Variants in MYOM1 observed in about 807,000 individuals in gnomAD.
The protein encoded by MYOM1 is myomesin 1.
A neutral mutation model predicts 205.3 loss-of-function variants in MYOM1; 164 were observed. The ratio of observed to expected loss-of-function variants is 0.80; its 90% confidence interval spans 0.70 to 0.91. The LOEUF (loss-of-function observed/expected upper bound fraction) is 0.91, where lower values mean the gene tolerates loss of function less well. MYOM1 is among the 40% of genes least tolerant of loss of function. The pLI, the probability that MYOM1 is intolerant of heterozygous loss-of-function variation, is 0.00. For synonymous variants in MYOM1, 772 were observed against 789.4 expected (o/e 0.98, Z 0.37); for missense variants, 2,011 against 2,127.3 (o/e 0.95, Z 1.08).
intron 4 of MYOM1, among the ~76,000 whole-genome samples, 153 bp downstream of exon 4, chr18:3,188,595 C>T (rs2080855706): frequency 6.6e-6 from 1 of 151,790 alleles, no homozygotes; most frequent in Admixed American, 6.6e-5. Flanking sequence ...CGCCACTGCA[C>T]TCCAACCTGG....
chr18:3,089,493 C>T lies in MYOM1; in HGVS notation c.4069+44G>A, dbSNP rs774475692. 6.2e-5 allele frequency: 92 copies of T among 1,481,602 alleles called. 1 individual carries two copies. Among genetic ancestry groups the T allele is most frequent in the Non-Finnish European group, 8.2e-5 (89 of 1,084,020 alleles). 91.8% of individuals were successfully genotyped at this position (1,481,602 alleles called of 1,614,324 possible). A position where few individuals can be genotyped will look rare whatever the true frequency, so the allele number is the denominator to read the frequency against. On this transcript the variant is annotated intron_variant, in intron 28 of 37. Transcript: ENST00000356443. ...GGAAATAACCTTGGAATCTTTTGTA[C>T]AAAAAAATTAAAAATTTTCTCTTTA...
At chr18:3,151,322 T>A (rs2080217466) in intron 12 of MYOM1, among the ~76,000 whole-genome samples, 1 of 151,820 alleles carries the variant, frequency 6.6e-6, no homozygotes, top group Admixed American at 6.6e-5. Context: ...TTTTTATTAT[T>A]TTTGGAATGT....
At chr18:3,090,857 G>GAATGA in intron 26 of MYOM1, 55 bp from the exon 27 acceptor site, 1 of 1,602,282 alleles carries the variant, frequency 6.2e-7, no homozygotes, top group East Asian at 2.2e-5. Flanking sequence ...ATTTTACTTG[G>GAATGA]AATGACAACA....
chr18:3,166,276 T>A (rs9944559), intron 9 of MYOM1, among the ~76,000 whole-genome samples: 1 of 142,512 alleles, frequency 7.0e-6, no homozygotes, highest in African/African-American at 2.5e-5. Flanking sequence ...TTTTTTTTTT[T>A]TTTTTTTTAT....
At chr18:3,237,847 CAA>C in the MYOM1 span, among the ~76,000 whole-genome samples, 2 of 152,004 alleles carry the variant, frequency 1.3e-5, no homozygotes, top group Non-Finnish European at 2.9e-5. Flanking sequence ...TTACAAGATG[CAA>C]AGAGTTATGG....
the MYOM1 span, among the ~76,000 whole-genome samples, chr18:3,227,400 G>A: frequency 3.3e-5 from 5 of 152,290 alleles, no homozygotes; most frequent in Admixed American, 2.6e-4. Context: ...CCACTTATAT[G>A]AGGTACCTAG....
At chr18:3,225,663 C>T in the MYOM1 span, among the ~76,000 whole-genome samples, 6 of 152,116 alleles carry the variant, frequency 3.9e-5, no homozygotes, top group Admixed American at 6.5e-5. Context: ...GAATGGGCAG[C>T]GTCTTAAATG....
At chr18:3,075,552 C>T (rs992510048) in intron 35 of MYOM1, 76 bp from the exon 36 acceptor site, 5 of 1,521,742 alleles carry the variant, frequency 3.3e-6, no homozygotes, top group Non-Finnish European at 1.8e-6. Flanking sequence ...AACTTGACGA[C>T]ATTTTCCTTG....
In MYOM1 at chr18:3,219,358, T is replaced by C. The variant is rs377377324; in HGVS notation, c.-29+445A>G. Among the ~76,000 whole-genome samples, 181 of 152,214 alleles carry C rather than the reference T, an allele frequency of 1.2e-3. No homozygotes were observed. The highest frequency in any genetic ancestry group is 4.2e-3 in the African/African-American group (176 of 41,536). On this transcript the variant is annotated intron_variant, in intron 1 of 37. Coordinates refer to ENST00000356443, the MANE Select transcript of MYOM1 (RefSeq NM_003803.4). The surrounding 1 kb of genome is among the most constrained non-coding windows in gnomAD (Gnocchi z 4.4). ...GCATCGTCACAGCAAGATCCCTGAA[T>C]TATAAACTAGTGACTTCAGAGTTAA...
At position 3,219,533 on chromosome 18, in the gene MYOM1, C is replaced by T. The variant is rs1274859919; in HGVS notation, c.-29+270G>A. On this transcript the variant is annotated intron_variant, in intron 1 of 37. Transcript: ENST00000356443. The surrounding 1 kb of genome is among the most constrained non-coding windows in gnomAD (Gnocchi z 4.4). ...TTAAACACACGCTTACAGTTCAATC[C>T]GAGGCAGATATGACCTCCTTACAGT... Among the ~76,000 whole-genome samples the T allele has an allele frequency of 1.3e-5, 2 of 152,140 alleles. No individual in the cohort carries two copies. The highest frequency in any genetic ancestry group is 1.9e-4 in the East Asian group (1 of 5,188).
At chr18:3,236,455 T>C in the MYOM1 span, 1 of 152,078 alleles carries the variant, frequency 6.6e-6, no homozygotes, top group Non-Finnish European at 1.5e-5. Context: ...TGGAGATACA[T>C]CTATGAACAA....
At chr18:3,142,172 C>T in intron 13 of MYOM1, 109 bp from the exon 14 acceptor site, 1 of 1,313,914 alleles carries the variant, frequency 7.6e-7, no homozygotes, top group Non-Finnish European at 1.0e-6. Context: ...TATGTCTCCA[C>T]AGTTTAAAGA....
Position 3,089,256 on chromosome 18 carries a change from T to C in MYOM1, c.4070-15A>G. 2 of 1,599,414 alleles carry C rather than the reference T, an allele frequency of 1.3e-6. No individual in the cohort carries two copies. Among genetic ancestry groups the C allele is most frequent in the Non-Finnish European group, 1.7e-6 (2 of 1,167,724 alleles). ...AAAGTGAGGACCTATAAAATTTTAATGACATTAGCAATTACTCTATTAATC... is the reference window on the plus strand; with the variant it reads ...AAAGTGAGGACCTATAAAATTTTAACGACATTAGCAATTACTCTATTAATC... On this transcript the variant is annotated splice_polypyrimidine_tract_variant and intron_variant, in intron 28 of 37. Coordinates refer to ENST00000356443, the MANE Select transcript of MYOM1 (RefSeq NM_003803.4).
At chr18:3,075,374 T>A in intron 36 of MYOM1, 80 bp downstream of exon 36, 2 of 1,334,076 alleles carry the variant, frequency 1.5e-6, no homozygotes, top group Non-Finnish European at 2.1e-6. Flanking sequence ...CCTCCATCTG[T>A]AGTTATAATA....
the MYOM1 span, among the ~76,000 whole-genome samples, chr18:3,231,613 C>G: frequency 6.8e-6 from 1 of 146,978 alleles, no homozygotes; most frequent in Admixed American, 6.9e-5. Context: ...GATCTTGGCT[C>G]GCTACAACCT....
chr18:3,077,975 G>A lies in MYOM1; in HGVS notation c.4648+1204C>T, dbSNP rs1444223923. 2.0e-5 allele frequency among the ~76,000 whole-genome samples: 3 copies of A among 152,078 alleles called. No individual in the cohort carries two copies. In the East Asian group the frequency reaches 5.8e-4, roughly 29 times the overall value. On this transcript the variant is annotated intron_variant, in intron 34 of 37. Transcript: ENST00000356443. ...AAAACACTCACAGCAGGGCTGAAGGGCGACGCTCTAAGTGATGAATCTGCT... is the reference window on the plus strand; with the variant it reads ...AAAACACTCACAGCAGGGCTGAAGGACGACGCTCTAAGTGATGAATCTGCT...
intron 5 of MYOM1, 80 bp from the exon 6 acceptor site, chr18:3,176,214 T>C (rs957517152): frequency 6.1e-6 from 5 of 817,666 alleles, no homozygotes; most frequent in Admixed American, 2.0e-5. Flanking sequence ...ATTCTTGTTC[T>C]TGCAGGAACA....
Position 3,083,347 on chromosome 18 carries a change from A to T in MYOM1, c.4484+442T>A, listed in dbSNP as rs184777849. ...CTCCTTACTTGAGAAGAACAGAAAA[A>T]TTTTTTCCCTATCCTCCCCTCTTCC... is the stretch of plus-strand genomic sequence containing the variant. On this transcript the variant is annotated intron_variant, in intron 33 of 37. Coordinates refer to ENST00000356443, the MANE Select transcript of MYOM1 (RefSeq NM_003803.4). 1.3e-4 allele frequency among the ~76,000 whole-genome samples: 19 copies of T among 148,742 alleles called. No individual in the cohort carries two copies. In the East Asian group the frequency reaches 1.6e-3, roughly 12 times the overall value.
chr18:3,214,198 G>C (rs1044224135), intron 2 of MYOM1, among the ~76,000 whole-genome samples: 1 of 152,110 alleles, frequency 6.6e-6, no homozygotes, highest in Non-Finnish European at 1.5e-5. Flanking sequence ...ATATATCTTC[G>C]CAGTAGTTCA....
Sources: gnomAD v4.1 joint callset for allele counts (sites outside exome capture counted in the v4.1 genomes callset) on GRCh38, gnomAD v4.1.1 for gene constraint, Gnocchi (gnomAD v3.1) non-coding constraint, MANE v1.5 for transcripts, NCBI Gene and HGNC (gene_info 2026-07-23, HGNC 2026-07-21) for gene names.